Variants in AMOTL1 observed in about 807,000 individuals in gnomAD.
AMOTL1 encodes angiomotin like 1.
Under a neutral mutation model 102.9 loss-of-function variants are expected in AMOTL1, and 45 were observed. The ratio of observed to expected loss-of-function variants is 0.44; its 90% confidence interval spans 0.34 to 0.56. The LOEUF is 0.56. Among genes scored for constraint, AMOTL1 ranks in the 20% least tolerant of loss-of-function variants. AMOTL1 has a pLI of 0.01. For missense variants in AMOTL1, 1,114 were observed against 1,225.6 expected (o/e 0.91, Z 1.36); for synonymous variants, 481 against 484.7 (o/e 0.99, Z 0.10).
chr11:94,744,144 C>T (rs1950562348), intron 3 of AMOTL1, among the ~76,000 whole-genome samples: 1 of 152,224 alleles, frequency 6.6e-6, no homozygotes, highest in Non-Finnish European at 1.5e-5. Context: ...CTTCAGATAT[C>T]AACGGCAAGT....
intron 1 of AMOTL1, among the ~76,000 whole-genome samples, chr11:94,779,149 A>G (rs1164936081): frequency 6.6e-6 from 1 of 152,216 alleles, no homozygotes; most frequent in Middle Eastern, 3.2e-3. Flanking sequence ...TTATCATGTT[A>G]TCATTAGATA....
chr11:94,767,882 T>G (rs962607929), upstream of AMOTL1, among the ~76,000 whole-genome samples: 23 of 152,150 alleles, frequency 1.5e-4, no homozygotes, highest in African/African-American at 5.3e-4. Context: ...TAGTAGCAGC[T>G]TATCGCCCAA....
At chr11:94,840,522 C>G (rs1479618044) in intron 6 of AMOTL1, among the ~76,000 whole-genome samples, 1 of 151,882 alleles carries the variant, frequency 6.6e-6, no homozygotes, top group Non-Finnish European at 1.5e-5. Context: ...CAACACATTT[C>G]TTCATCCCTG....
chr11:94,857,413 G>C (rs1037828125), intron 8 of AMOTL1, among the ~76,000 whole-genome samples: 1 of 152,200 alleles, frequency 6.6e-6, no homozygotes, highest in East Asian at 1.9e-4. Context: ...TTGAAGGGGG[G>C]TGGAGAGAGA....
At chr11:94,760,930 T>C (rs1400994004) in intron 3 of AMOTL1, among the ~76,000 whole-genome samples, 4 of 151,982 alleles carry the variant, frequency 2.6e-5, no homozygotes, top group Non-Finnish European at 1.5e-5. Context: ...ACCTGGTCAA[T>C]TTTTTATTTT....
intron 3 of AMOTL1, among the ~76,000 whole-genome samples, chr11:94,755,448 A>G (rs570543990): frequency 3.3e-5 from 5 of 152,286 alleles, no homozygotes; most frequent in East Asian, 3.9e-4. Context: ...CAGGTGTTGT[A>G]TGAGTGGGGG....
chr11:94,722,494 G>C lies in AMOTL1; in HGVS notation c.-50-6427G>C, dbSNP rs1425278004. On this transcript the variant is annotated intron_variant, in intron 1 of 4. Transcript: ENST00000299004. ...CATTTCTCACTTAATCCCTACCATAGCCCTACAAAGCATGTGCTATGATAC... is the reference window on the plus strand; with the variant it reads ...CATTTCTCACTTAATCCCTACCATACCCCTACAAAGCATGTGCTATGATAC... 2.0e-5 allele frequency among the ~76,000 whole-genome samples: 3 copies of C among 152,068 alleles called. No homozygotes were observed. In the East Asian group the frequency reaches 5.8e-4, roughly 29 times the overall value.
intron 6 of AMOTL1, among the ~76,000 whole-genome samples, chr11:94,840,085 AG>A (rs1404299452): frequency 1.3e-5 from 2 of 152,184 alleles, no homozygotes; most frequent in African/African-American, 4.8e-5. Context: ...AATAGAGCTT[AG>A]AGTTAATGAA....
intron 3 of AMOTL1, among the ~76,000 whole-genome samples, chr11:94,760,829 G>T (rs1410519060): frequency 1.3e-5 from 2 of 152,066 alleles, no homozygotes; most frequent in African/African-American, 4.8e-5. Flanking sequence ...AATTTTTTTT[G>T]ATGGTTTTGG....
chr11:94,849,999 C>A, intron 6 of AMOTL1, 115 bp from the exon 7 acceptor site: 2 of 1,248,614 alleles, frequency 1.6e-6, no homozygotes, highest in Middle Eastern at 1.9e-4. Flanking sequence ...GCAATTCAGT[C>A]CTCCATTATT....
chr11:94,865,634 C>A (rs1952866171), intron 10 of AMOTL1, among the ~76,000 whole-genome samples: 1 of 152,194 alleles, frequency 6.6e-6, no homozygotes, highest in Non-Finnish European at 1.5e-5. Context: ...CCGGCCCCCA[C>A]CGCCAATGCT....
In AMOTL1 at chr11:94,871,564, A is replaced by C. The variant is rs1308562086; in HGVS notation, c.*769A>C. 1 of 152,098 alleles carries C rather than the reference A, an allele frequency of 6.6e-6. No individual in the cohort carries two copies. Among genetic ancestry groups the C allele is most frequent in the Non-Finnish European group, 1.5e-5 (1 of 68,030 alleles). The allele number at this position is 152,098 out of a possible 1,614,324, so 9.4% of individuals were successfully genotyped here. On this transcript the variant is annotated 3_prime_UTR_variant, in exon 13 of 13. Coordinates refer to ENST00000433060, the MANE Select transcript of AMOTL1 (RefSeq NM_130847.3). The stretch of plus-strand genomic sequence containing the variant: ...GCAGAATTCCTTAGGTATGGGATTT[A>C]TGAGACCAGTACCTGAACTGTCATC...
chr11:94,768,901 C>T (rs1950898939), intron 1 of AMOTL1, among the ~76,000 whole-genome samples: 1 of 151,774 alleles, frequency 6.6e-6, no homozygotes, highest in Non-Finnish European at 1.5e-5. Flanking sequence ...GGCGCGCCCG[C>T]GCCCGCGCGC....
intron 1 of AMOTL1, among the ~76,000 whole-genome samples, chr11:94,773,320 T>C (rs570238925): frequency 6.6e-6 from 1 of 152,384 alleles, no homozygotes; most frequent in Non-Finnish European, 1.5e-5. Flanking sequence ...CATTTTCTGC[T>C]GTGTTTTCTT....
At chr11:94,833,073 C>A (rs1244404375) in intron 6 of AMOTL1, among the ~76,000 whole-genome samples, 1 of 152,210 alleles carries the variant, frequency 6.6e-6, no homozygotes, top group Non-Finnish European at 1.5e-5. Flanking sequence ...AGCAAAGAGG[C>A]CCTTCCAGCT....
intron 4 of AMOTL1, among the ~76,000 whole-genome samples, chr11:94,824,561 C>T (rs1163136372): frequency 6.6e-6 from 1 of 152,222 alleles, no homozygotes; most frequent in African/African-American, 2.4e-5. Flanking sequence ...GCATGAACTT[C>T]GTGACGTAAC....
At chr11:94,784,854 G>A (rs1165540181) in intron 1 of AMOTL1, among the ~76,000 whole-genome samples, 1 of 152,048 alleles carries the variant, frequency 6.6e-6, no homozygotes, top group African/African-American at 2.4e-5. Context: ...AGTGTTGCAG[G>A]TCTGATGTGG....
intron 1 of AMOTL1, among the ~76,000 whole-genome samples, chr11:94,784,154 C>T (rs1193240448): frequency 6.6e-6 from 1 of 151,102 alleles, no homozygotes; most frequent in Non-Finnish European, 1.5e-5. Context: ...AACTAGATAG[C>T]TGCTTGTATT....
Position 94,862,443 on chromosome 11 carries a change from C to T in AMOTL1, c.2136-2292C>T, listed in dbSNP as rs753280477. Among the ~76,000 whole-genome samples the T allele has an allele frequency of 1.1e-4, 17 of 152,310 alleles. No individual in the cohort carries two copies. The East Asian group carries it at 3.3e-3, about 29-fold the overall frequency. ...TTTTGTGACTTTTCAACCACAGATG[C>T]ATGCTTTATATTTATAATCAATGAT... On this transcript the variant is annotated intron_variant, in intron 9 of 12. Transcript: ENST00000433060.
Sources: gnomAD v4.1 joint callset for allele counts (sites outside exome capture counted in the v4.1 genomes callset) on GRCh38, gnomAD v4.1.1 for gene constraint, MANE v1.5 for transcripts, NCBI Gene and HGNC (gene_info 2026-07-23, HGNC 2026-07-21) for gene names.